Variants in ACTR3 observed in about 807,000 individuals in gnomAD.
ACTR3 encodes the protein actin-related protein 3.
A neutral mutation model predicts 56.8 loss-of-function variants in ACTR3; 12 were observed. The ratio of observed to expected loss-of-function variants is 0.21; its 90% confidence interval spans 0.14 to 0.34. The LOEUF is 0.34. ACTR3 is among the 10% of genes least tolerant of loss of function. ACTR3 has a pLI of 1.00. For synonymous variants in ACTR3, 162 were observed against 167.4 expected (o/e 0.97, Z 0.25); for missense variants, 282 against 512.5 (o/e 0.55, Z 4.34).
chr2:113,950,920 A>G (rs1390941206), intron 8 of ACTR3: 3 of 152,726 alleles, frequency 2.0e-5, no homozygotes, highest in African/African-American at 7.2e-5. Context: ...CCTGTCTTAC[A>G]TGATGGCAGC....
intron 6 of ACTR3, among the ~76,000 whole-genome samples, chr2:113,937,035 T>C (rs1043947850): frequency 3.3e-5 from 5 of 152,104 alleles, no homozygotes; most frequent in African/African-American, 7.2e-5. Flanking sequence ...GAGATAGAGC[T>C]TAGGACTTCA....
At position 113,942,213 on chromosome 2, in the gene ACTR3, T is replaced by A; in HGVS notation, c.712T>A (p.Leu238Ile). 4 of 1,585,220 alleles carry A rather than the reference T, an allele frequency of 2.5e-6. No homozygotes were observed. The highest frequency in any genetic ancestry group is 3.4e-6 in the Non-Finnish European group (4 of 1,170,934). Residue 238 changes from leucine (L) to isoleucine (I), a missense_variant, in exon 8 of 12, where the codon TTA becomes ATA. Coordinates refer to ENST00000263238, the MANE Select transcript of ACTR3 (RefSeq NM_005721.5). ...KERYSYVCPD[L>I]VKEFNKYDTD... is the part of the protein sequence containing the mutation. ...GCGCTATAGTTATGTCTGCCCAGAT[T>A]TAGTAAAAGAATTTAACAAGTATGA...
At chr2:113,891,801 C>T (rs182266746) in intron 1 of ACTR3, among the ~76,000 whole-genome samples, 4 of 152,194 alleles carry the variant, frequency 2.6e-5, no homozygotes, top group African/African-American at 9.6e-5. Flanking sequence ...TAGGAAAACA[C>T]TAGCCTTGGA....
chr2:113,919,209 G>T (rs1416095913), intron 3 of ACTR3, among the ~76,000 whole-genome samples: 1 of 152,024 alleles, frequency 6.6e-6, no homozygotes, highest in East Asian at 1.9e-4. Context: ...TTAGTATGCA[G>T]TTTCTTTATC....
chr2:113,934,376 T>C lies in ACTR3; in HGVS notation c.530T>C (p.Val177Ala). Reference sequence around the variant, plus strand: ...GACAGTGGAGATGGTGTCACTCATGTCATTCCTGTGGTAAGGCTATTTTAC... The same window carrying C: ...GACAGTGGAGATGGTGTCACTCATGCCATTCCTGTGGTAAGGCTATTTTAC... ...VIDSGDGVTH[V>A]IPVAEGYVIG... is the part of the protein sequence containing the mutation. Residue 177 changes from valine to alanine, a missense_variant, in exon 6 of 12, where the codon GTC (valine) becomes GCC (alanine). Transcript: ENST00000263238. 1 of 1,587,782 alleles carries C rather than the reference T, an allele frequency of 6.3e-7. No homozygotes were observed. The highest frequency in any genetic ancestry group is 1.2e-5 in the South Asian group (1 of 85,458).
At position 113,958,916 on chromosome 2, in the gene ACTR3, G is replaced by A. The variant is rs145368085; in HGVS notation, c.*1461G>A. On this transcript the variant is annotated 3_prime_UTR_variant, in exon 12 of 12. Transcript: ENST00000263238. The stretch of plus-strand genomic sequence containing the variant: ...TTTACTCTAAAGATAGAATTGGGGA[G>A]TAAACTTCAGTTTTTGTTTAGAGTG... 2 of 152,102 alleles carry A rather than the reference G, an allele frequency of 1.3e-5. No individual in the cohort carries two copies. Among genetic ancestry groups the A allele is most frequent in the East Asian group, 3.9e-4 (2 of 5,180 alleles). The allele number at this position is 152,102 out of a possible 1,614,324, so 9.4% of individuals were successfully genotyped here.
chr2:113,920,995 G>A (rs1679496097), intron 3 of ACTR3, among the ~76,000 whole-genome samples: 1 of 152,142 alleles, frequency 6.6e-6, no homozygotes, highest in South Asian at 2.1e-4. Context: ...ATAGTAGGAT[G>A]GCTGGATCAT....
At chr2:113,923,473 C>T (rs1679557167) in intron 3 of ACTR3, among the ~76,000 whole-genome samples, 2 of 151,826 alleles carry the variant, frequency 1.3e-5, no homozygotes, top group African/African-American at 4.8e-5. Context: ...GTAGTTGGGA[C>T]TACAGGCGCC....
intron 8 of ACTR3, among the ~76,000 whole-genome samples, chr2:113,944,634 C>T (rs868670407): frequency 9.2e-5 from 13 of 140,720 alleles, no homozygotes; most frequent in East Asian, 4.1e-4. Flanking sequence ...TGGTGGTGGG[C>T]GCCTGTAGTC....
intron 4 of ACTR3, among the ~76,000 whole-genome samples, chr2:113,929,861 TA>T (rs201927698): frequency 0.011 from 1,646 of 152,118 alleles, 30 homozygotes; most frequent in Admixed American, 0.049. Context: ...GTAATTTTAG[TA>T]GAGACAGGAT....
intron 6 of ACTR3, among the ~76,000 whole-genome samples, chr2:113,939,086 C>T (rs943972056): frequency 1.3e-5 from 2 of 151,138 alleles, no homozygotes; most frequent in African/African-American, 2.4e-5. Flanking sequence ...TGCAGTGGTG[C>T]GATCTCGACT....
In ACTR3 at chr2:113,890,128, C is replaced by G. The variant is rs1349703726; in HGVS notation, c.-152C>G. 5.3e-6 allele frequency: 5 copies of G among 944,706 alleles called. No homozygotes were observed. The highest frequency in any genetic ancestry group is 1.4e-5 in the South Asian group (1 of 69,124). 58.5% of individuals were successfully genotyped at this position (944,706 alleles called of 1,614,324 possible). A position where few individuals can be genotyped will look rare whatever the true frequency, so the allele number is the denominator to read the frequency against. ...AGCCGCCGACCGAGCCTGCTGCTTT[C>G]TTGCTACTGCTTCGGCTTCCCGGCT... On this transcript the variant is annotated 5_prime_UTR_variant, in exon 1 of 12. Transcript: ENST00000263238.
At chr2:113,950,360 G>A (rs1371510365) in intron 8 of ACTR3, among the ~76,000 whole-genome samples, 2 of 152,094 alleles carry the variant, frequency 1.3e-5, no homozygotes, top group East Asian at 3.8e-4. Context: ...TATGAAAACC[G>A]TGCCACTAAA....
chr2:113,955,565 A>G, intron 10 of ACTR3, 58 bp from the exon 11 acceptor site: 1 of 1,262,184 alleles, frequency 7.9e-7, no homozygotes, highest in South Asian at 1.2e-5. Flanking sequence ...AGGTTAAATG[A>G]CACAGAAGTT....
chr2:113,903,711 C>G (rs1679142756), intron 1 of ACTR3, among the ~76,000 whole-genome samples: 1 of 151,952 alleles, frequency 6.6e-6, no homozygotes, highest in Non-Finnish European at 1.5e-5. Context: ...CCATGCTGGT[C>G]TTGAACTCCT....
At chr2:113,914,609 A>G (rs1679368855) in intron 2 of ACTR3, among the ~76,000 whole-genome samples, 1 of 125,850 alleles carries the variant, frequency 7.9e-6, no homozygotes, top group African/African-American at 4.0e-5. Flanking sequence ...AGCAAGACTC[A>G]GTCTCAAAAA....
intron 3 of ACTR3, among the ~76,000 whole-genome samples, chr2:113,918,323 T>G (rs1164751499): frequency 1.3e-5 from 2 of 152,150 alleles, no homozygotes; most frequent in Non-Finnish European, 2.9e-5. Context: ...CTTTCTGAAT[T>G]TTGATTTCTT....
Position 113,940,096 on chromosome 2 carries a change from A to G in ACTR3, c.678A>G (p.Ala226=). The G allele has an allele frequency of 1.2e-6, 2 of 1,611,868 alleles. No individual in the cohort carries two copies. Among genetic ancestry groups the G allele is most frequent in the Non-Finnish European group, 1.7e-6 (2 of 1,179,270 alleles). Reference sequence around the variant, plus strand: ...AACAATCCTTGGAAACTGCTAAGGCAGTAAAGGTAAAAAGTGTGATAGGAG... The same window carrying G: ...AACAATCCTTGGAAACTGCTAAGGCGGTAAAGGTAAAAAGTGTGATAGGAG... ...PPEQSLETAK[A]VKERYSYVCP... The change falls in exon 7 of 12, where the codon GCA becomes GCG. Residue 226 remains alanine, a synonymous_variant. Transcript: ENST00000263238.
intron 8 of ACTR3, among the ~76,000 whole-genome samples, chr2:113,945,557 T>C (rs976873040): frequency 2.0e-5 from 3 of 152,248 alleles, no homozygotes; most frequent in Admixed American, 1.3e-4. Context: ...TGTTGTTCAC[T>C]TTTGAGGCAA....
Sources: gnomAD v4.1 joint callset for allele counts (sites outside exome capture counted in the v4.1 genomes callset) on GRCh38, gnomAD v4.1.1 for gene constraint, MANE v1.5 for transcripts, NCBI Gene and HGNC (gene_info 2026-07-23, HGNC 2026-07-21) for gene names.